MRPS12: variants seen among roughly 807,000 people sequenced by gnomAD.
MRPS12 encodes the protein mitochondrial ribosomal protein S12.
In MRPS12, 7 loss-of-function variants were observed where a neutral mutation model predicts 8.4. The observed-to-expected ratio is 0.83, with a 90% confidence interval of 0.47 to 1.56. MRPS12 has a LOEUF of 1.56. Among genes scored for constraint, MRPS12 ranks in the 40% most tolerant of loss-of-function variants. The pLI is 0.01. For missense variants in MRPS12, 200 were observed against 194.1 expected (o/e 1.03, Z -0.18); for synonymous variants, 84 against 84.1 (o/e 1.00, Z 0.01).
chr19:38,931,468 A>T, intron 2 of MRPS12, 125 bp downstream of exon 2: 1 of 945,544 alleles, frequency 1.1e-6, no homozygotes, highest in Non-Finnish European at 1.5e-6. Flanking sequence ...GGGTTTTGGC[A>T]GAGCTAGGGC....
chr19:38,932,792 C>T lies in MRPS12; in HGVS notation c.*92C>T. The T allele has an allele frequency of 6.6e-7, 1 of 1,507,602 alleles. No individual in the cohort carries two copies. The highest frequency in any genetic ancestry group is 8.9e-7 in the Non-Finnish European group (1 of 1,125,526). The allele number at this position is 1,507,602 out of a possible 1,614,324, so 93.4% of individuals were successfully genotyped here. A position where few individuals can be genotyped will look rare whatever the true frequency, so the allele number is the denominator to read the frequency against. On this transcript the variant is annotated 3_prime_UTR_variant, in exon 3 of 3. Transcript: ENST00000308018. ...GGTCCTCCGATGCTGGCCTTTGCGC[C>T]TCTAGAGGCAGCCACTCATGGATTC...
Position 38,931,288 on chromosome 19 carries a change from T to G in MRPS12, c.-7T>G, listed in dbSNP as rs2070250. On this transcript the variant is annotated 5_prime_UTR_variant, in exon 2 of 3. Transcript: ENST00000308018. Reference sequence around the variant, plus strand: ...TCCCCTACCACAGGGACGGCCCAGGTGGCAGGATGTCCTGGTCTGGCCTTC... The same window carrying G: ...TCCCCTACCACAGGGACGGCCCAGGGGGCAGGATGTCCTGGTCTGGCCTTC... 1 of 1,603,894 alleles carries G rather than the reference T, an allele frequency of 6.2e-7. No individual in the cohort carries two copies. Among genetic ancestry groups the G allele is most frequent in the South Asian group, 1.1e-5 (1 of 89,982 alleles).
Position 38,931,075 on chromosome 19 carries a change from G to C in MRPS12, c.-20+77G>C, listed in dbSNP as rs1255491897. 9.8e-6 allele frequency: 6 copies of C among 612,936 alleles called. 1 individual carries two copies. The highest frequency in any genetic ancestry group is 5.5e-5 in the East Asian group (2 of 36,638). The allele number at this position is 612,936 out of a possible 1,614,324, so 38.0% of individuals were successfully genotyped here. A position where few individuals can be genotyped will look rare whatever the true frequency, so the allele number is the denominator to read the frequency against. The stretch of plus-strand genomic sequence containing the variant: ...CCCAGTTCTTCCTGCGTGCGGGCGA[G>C]AGTGGTTGGGCCCTCGGGAACCCAC... On this transcript the variant is annotated intron_variant, in intron 1 of 2. Coordinates refer to ENST00000308018, the MANE Select transcript of MRPS12 (RefSeq NM_033362.4).
At chr19:38,931,583 C>G (rs1391517524) in intron 2 of MRPS12, 3 of 373,842 alleles carry the variant, frequency 8.0e-6, no homozygotes, top group Non-Finnish European at 9.7e-6. Flanking sequence ...CCTCTGTCGC[C>G]CAGGCTGAAG....
Position 38,932,363 on chromosome 19 carries a change from C to A in MRPS12, c.80C>A (p.Thr27Asn). Reference protein sequence around the residue: ...GPALVPRLWATCSMATLNQMH... With the variant: ...GPALVPRLWANCSMATLNQMH... ...GCTCTGGTTCCCCGGCTCTGGGCTA[C>A]CTGCTCCATGGCTACCCTGAACCAG... is the stretch of plus-strand genomic sequence containing the variant. The change falls in exon 3 of 3, where the codon ACC (threonine) becomes AAC (asparagine). Residue 27 changes from threonine to asparagine, a missense_variant. Thr to Asn is a moderately conservative substitution (Grantham distance 65). Transcript: ENST00000308018. 6.4e-7 allele frequency: 1 copy of A among 1,560,832 alleles called. No homozygotes were observed. Among genetic ancestry groups the A allele is most frequent in the Non-Finnish European group, 8.7e-7 (1 of 1,150,146 alleles).
At chr19:38,932,148 GAA>G (rs369390554) in intron 2 of MRPS12, among the ~76,000 whole-genome samples, 183 bp from the exon 3 acceptor site, 32 of 111,278 alleles carry the variant, frequency 2.9e-4, no homozygotes, top group Admixed American at 1.2e-3. Flanking sequence ...AAAAAAAAAA[GAA>G]AAAAAAAAAA....
Position 38,932,490 on chromosome 19 carries a change from G to C in MRPS12, c.207G>C (p.Lys69Asn), listed in dbSNP as rs1179234561. 6.2e-7 allele frequency: 1 copy of C among 1,613,126 alleles called. No individual in the cohort carries two copies. Among genetic ancestry groups the C allele is most frequent in the African/African-American group, 1.3e-5 (1 of 74,924 alleles). The change falls in exon 3 of 3, where the codon AAG (lysine) becomes AAC (asparagine). Residue 69 changes from lysine (K) to asparagine (N), a missense_variant. Transcript: ENST00000308018. ...TGGTCCTGTGCACGTTTACCCGCAAGCCGAAGAAGCCCAACTCAGCCAATC... is the reference window on the plus strand; with the variant it reads ...TGGTCCTGTGCACGTTTACCCGCAACCCGAAGAAGCCCAACTCAGCCAATC... ...KGVVLCTFTR[K>N]PKKPNSANRK...
At chr19:38,932,148 G>A (rs57541708) in intron 2 of MRPS12, among the ~76,000 whole-genome samples, 185 bp from the exon 3 acceptor site, 8,901 of 108,440 alleles carry the variant, frequency 0.082, 567 homozygotes, top group African/African-American at 0.22. Context: ...AAAAAAAAAA[G>A]AAAAAAAAAA....
At position 38,932,695 on chromosome 19, in the gene MRPS12, A is replaced by T. The variant is rs748357360; in HGVS notation, c.412A>T (p.Lys138Ter). 2 of 1,611,436 alleles carry T rather than the reference A, an allele frequency of 1.2e-6. No individual in the cohort carries two copies. The highest frequency in any genetic ancestry group is 1.7e-6 in the Non-Finnish European group (2 of 1,179,188). ...GTACGACTGTGGCCACGTGCAGAAG[A>T]AGTGACGGCTGGGGGCACAGTGGGC... ...GKYDCGHVQKK is the reference protein window; with the variant it reads ...GKYDCGHVQK Residue 138 changes from lysine (K) to a stop codon, truncating the protein, a stop_gained, in exon 3 of 3, where the codon AAG becomes TAG. Transcript: ENST00000308018. LOFTEE classifies it high-confidence loss of function.
rs199548036 is a variant in MRPS12, at chr19:38,931,338, C to T, written c.44C>T (p.Thr15Ile). The change falls in exon 2 of 3, where the codon ACT (threonine) becomes ATT (isoleucine). Residue 15 changes from threonine (T) to isoleucine (I), a missense_variant. By Grantham distance (89) the Thr-to-Ile change is moderately conservative. Transcript: ENST00000308018. ...GLLHGLNTSLTCGPALVPRLW... is the reference protein window; with the variant it reads ...GLLHGLNTSLICGPALVPRLW... ...CTCCATGGCCTCAACACGTCCCTAACTTGTGGTAAGTGGGGGACTTGGGCT... is the reference window on the plus strand; with the variant it reads ...CTCCATGGCCTCAACACGTCCCTAATTTGTGGTAAGTGGGGGACTTGGGCT... 3.8e-5 allele frequency: 60 copies of T among 1,598,966 alleles called. No individual in the cohort carries two copies. In the East Asian group the frequency reaches 1.2e-3, roughly 32 times the overall value.
Position 38,931,291 on chromosome 19 carries a change from C to T in MRPS12, c.-4C>T. On this transcript the variant is annotated 5_prime_UTR_variant, in exon 2 of 3. Transcript: ENST00000308018. ...CCTACCACAGGGACGGCCCAGGTGG[C>T]AGGATGTCCTGGTCTGGCCTTCTCC... is the stretch of plus-strand genomic sequence containing the variant. 6.2e-7 allele frequency: 1 copy of T among 1,604,116 alleles called. No individual in the cohort carries two copies. The highest frequency in any genetic ancestry group is 8.5e-7 in the Non-Finnish European group (1 of 1,175,748).
Position 38,932,848 on chromosome 19 carries a change from C to A in MRPS12, c.*148C>A. ...CTGGCTCCGCCTCTTCCATCAGGAC[C>A]ACTATTAAGCCATAGGAGTCCTGGG... On this transcript the variant is annotated 3_prime_UTR_variant, in exon 3 of 3. Coordinates refer to ENST00000308018, the MANE Select transcript of MRPS12 (RefSeq NM_033362.4). The A allele has an allele frequency of 1.7e-6, 2 of 1,145,240 alleles. No individual in the cohort carries two copies. The highest frequency in any genetic ancestry group is 2.4e-6 in the Non-Finnish European group (2 of 825,656). The allele number at this position is 1,145,240 out of a possible 1,614,324, so 70.9% of individuals were successfully genotyped here.
rs1488396916 is a variant in MRPS12, at chr19:38,932,254, T to C, written c.50-79T>C. 17 of 1,437,216 alleles carry C rather than the reference T, an allele frequency of 1.2e-5. No homozygotes were observed. In the Admixed American group the frequency reaches 4.2e-4, roughly 35 times the overall value. The allele number at this position is 1,437,216 out of a possible 1,614,324, so 89.0% of individuals were successfully genotyped here. ...CATCTTTGTAAAGTGCTTTAAACAA[T>C]GCCTAAAACACCAAAATTGAGTTGC... On this transcript the variant is annotated intron_variant, in intron 2 of 2. Transcript: ENST00000308018.
Position 38,932,790 on chromosome 19 carries a change from G to T in MRPS12, c.*90G>T. On this transcript the variant is annotated 3_prime_UTR_variant, in exon 3 of 3. Transcript: ENST00000308018. Reference sequence around the variant, plus strand: ...AGGGTCCTCCGATGCTGGCCTTTGCGCCTCTAGAGGCAGCCACTCATGGAT... The same window carrying T: ...AGGGTCCTCCGATGCTGGCCTTTGCTCCTCTAGAGGCAGCCACTCATGGAT... 4.0e-6 allele frequency: 6 copies of T among 1,505,422 alleles called. No individual in the cohort carries two copies. Among genetic ancestry groups the T allele is most frequent in the South Asian group, 2.5e-5 (2 of 79,354 alleles). The allele number at this position is 1,505,422 out of a possible 1,614,324, so 93.3% of individuals were successfully genotyped here. A position where few individuals can be genotyped will look rare whatever the true frequency, so the allele number is the denominator to read the frequency against.
rs745984434 is a variant in MRPS12 at position 38,931,264 on chromosome 19, C to G, written c.-19-12C>G. The G allele has an allele frequency of 1.9e-6, 3 of 1,582,112 alleles. No homozygotes were observed. The highest frequency in any genetic ancestry group is 4.5e-5 in the East Asian group (2 of 44,060). Reference sequence around the variant, plus strand: ...TTTTCCTCCTTTCTGAGTCTCTTATCCCCTACCACAGGGACGGCCCAGGTG... The same window carrying G: ...TTTTCCTCCTTTCTGAGTCTCTTATGCCCTACCACAGGGACGGCCCAGGTG... On this transcript the variant is annotated splice_polypyrimidine_tract_variant and intron_variant, in intron 1 of 2. Coordinates refer to ENST00000308018, the MANE Select transcript of MRPS12 (RefSeq NM_033362.4).
chr19:38,931,022 C>G (rs1008419250), intron 1 of MRPS12, 24 bp downstream of exon 1: 1 of 595,416 alleles, frequency 1.7e-6, no homozygotes, highest in Non-Finnish European at 3.0e-6. Context: ...TGGGGTCCTC[C>G]AAATCTACCA....
rs1974791575 is a variant in MRPS12, at chr19:38,933,000, C to G, written c.*300C>G. 3.0e-6 allele frequency: 1 copy of G among 337,700 alleles called. No homozygotes were observed. The highest frequency in any genetic ancestry group is 5.5e-6 in the Non-Finnish European group (1 of 182,854). The allele number at this position is 337,700 out of a possible 1,614,324, so 20.9% of individuals were successfully genotyped here. Reference sequence around the variant, plus strand: ...CTGGGAAGGGGTTTTAATAAACAGACCCTGGCGCTTGTGATGTAAATCCCC... The same window carrying G: ...CTGGGAAGGGGTTTTAATAAACAGAGCCTGGCGCTTGTGATGTAAATCCCC... On this transcript the variant is annotated 3_prime_UTR_variant, in exon 3 of 3. Coordinates refer to ENST00000308018, the MANE Select transcript of MRPS12 (RefSeq NM_033362.4).
Position 38,932,881 on chromosome 19 carries a change from AG to A in MRPS12, c.*184del. ...AGCCATAGGAGTCCTGGGGGTGCAA[AG>A]GGTGCCCCTCTGTCAACACCCTTGG... is the stretch of plus-strand genomic sequence containing the variant. On this transcript the variant is annotated 3_prime_UTR_variant, in exon 3 of 3. Transcript: ENST00000308018. 2 of 869,144 alleles carry A rather than the reference AG, an allele frequency of 2.3e-6. No individual in the cohort carries two copies. The highest frequency in any genetic ancestry group is 5.4e-5 in the East Asian group (2 of 36,872). 53.8% of individuals were successfully genotyped at this position (869,144 alleles called of 1,614,324 possible).
At position 38,932,536 on chromosome 19, in the gene MRPS12, C is replaced by T. The variant is rs1366755860; in HGVS notation, c.253C>T (p.Leu85Phe). Reference sequence around the variant, plus strand: ...CAATCGCAAGTGCTGTCGAGTGCGGCTCAGCACTGGCCGCGAGGCCGTCTG... The same window carrying T: ...CAATCGCAAGTGCTGTCGAGTGCGGTTCAGCACTGGCCGCGAGGCCGTCTG... ...SANRKCCRVR[L>F]STGREAVCFI... is the part of the protein sequence containing the mutation. Residue 85 changes from leucine (L) to phenylalanine (F), a missense_variant, in exon 3 of 3, where the codon CTC becomes TTC. Leu to Phe is a conservative substitution (Grantham distance 22). Transcript: ENST00000308018. 3.1e-6 allele frequency: 5 copies of T among 1,613,080 alleles called. No homozygotes were observed. The highest frequency in any genetic ancestry group is 2.2e-5 in the East Asian group (1 of 44,874).
Sources: gnomAD v4.1 joint callset for allele counts (sites outside exome capture counted in the v4.1 genomes callset) on GRCh38, gnomAD v4.1.1 for gene constraint, MANE v1.5 for transcripts, NCBI Gene and HGNC (gene_info 2026-07-23, HGNC 2026-07-21) for gene names.